The following COL22A1 variants were observed in gnomAD, a reference collection of about 807,000 sequenced individuals.
COL22A1 encodes collagen type XXII alpha 1 chain.
COL22A1 carries 221 observed loss-of-function variants against 248.9 expected under a neutral mutation model. The observed-to-expected ratio is 0.89, with a 90% CI of 0.80 to 0.99. COL22A1 has a LOEUF of 0.99. COL22A1 is among the 50% of genes least tolerant of loss of function. COL22A1 has a pLI of 0.00. For synonymous variants in COL22A1, 891 were observed against 793.4 expected (o/e 1.12, Z -2.07); for missense variants, 2,240 against 2,179.0 (o/e 1.03, Z -0.56).
chr8:138,854,838 GTGA>G (rs1402524532), intron 3 of COL22A1, among the ~76,000 whole-genome samples: 1 of 151,602 alleles, frequency 6.6e-6, no homozygotes, highest in Non-Finnish European at 1.5e-5. Context: ...GACGATGATG[GTGA>G]TGATGGTGAT....
intron 1 of COL22A1, among the ~76,000 whole-genome samples, chr8:138,895,588 C>A (rs1304059639): frequency 6.6e-6 from 1 of 151,976 alleles, no homozygotes; most frequent in East Asian, 1.9e-4. Flanking sequence ...CAAACTGAAA[C>A]AACAGACCAA....
chr8:138,801,445 T>A lies in COL22A1; in HGVS notation c.1557+1427A>T, dbSNP rs184208274. Among the ~76,000 whole-genome samples, 25 of 152,324 alleles carry A rather than the reference T, an allele frequency of 1.6e-4. 1 individual carries two copies. Among genetic ancestry groups the A allele is most frequent in the Admixed American group, 9.8e-4 (15 of 15,304 alleles). Reference sequence around the variant, plus strand: ...AGGGAATTGCATTTGCCATGCTAATTCTTCTAGGGAAGAGGCTTGTTTCCT... The same window carrying A: ...AGGGAATTGCATTTGCCATGCTAATACTTCTAGGGAAGAGGCTTGTTTCCT... On this transcript the variant is annotated intron_variant, in intron 11 of 64. Coordinates refer to ENST00000303045, the MANE Select transcript of COL22A1 (RefSeq NM_152888.3).
intron 41 of COL22A1, among the ~76,000 whole-genome samples, chr8:138,675,526 A>G (rs1176484796): frequency 1.3e-5 from 2 of 152,202 alleles, no homozygotes; most frequent in Non-Finnish European, 2.9e-5. Context: ...TAATAGTAAC[A>G]ACAACAATAA....
At chr8:138,777,779 T>A (rs1426174396) in intron 15 of COL22A1, 1 of 157,898 alleles carries the variant, frequency 6.3e-6, no homozygotes, top group Admixed American at 6.0e-5. Context: ...TGATGCACAT[T>A]TGGGTTGGTT....
chr8:138,836,581 A>G (rs937700299), intron 4 of COL22A1, among the ~76,000 whole-genome samples: 1 of 152,130 alleles, frequency 6.6e-6, no homozygotes, highest in African/African-American at 2.4e-5. Context: ...CTCTAGATAA[A>G]CATGCGGCAT....
intron 22 of COL22A1, among the ~76,000 whole-genome samples, chr8:138,741,969 TGA>T (rs1831605687): frequency 6.6e-6 from 1 of 150,812 alleles, no homozygotes; most frequent in South Asian, 2.1e-4. Flanking sequence ...ATGGTGATGG[TGA>T]TGGTAGAGTT....
At chr8:138,718,766 C>A (rs1045927209) in intron 27 of COL22A1, among the ~76,000 whole-genome samples, 1 of 152,184 alleles carries the variant, frequency 6.6e-6, no homozygotes, top group African/African-American at 2.4e-5. Context: ...GTTTTGAACA[C>A]AGAGCCTTAG....
At chr8:138,863,237 C>A (rs1459348675) in intron 3 of COL22A1, among the ~76,000 whole-genome samples, 2 of 152,162 alleles carry the variant, frequency 1.3e-5, no homozygotes, top group Non-Finnish European at 2.9e-5. Context: ...GACCATGGAG[C>A]CTTGGACATG....
At position 138,878,099 on chromosome 8, in the gene COL22A1, C is replaced by T; in HGVS notation, c.309G>A (p.Ala103=). ...GLFGSQEEVK[A]AARRLAYHGG... Reference sequence around the variant, plus strand: ...CGTGGTAGGCGAGACGCCGGGCAGCCGCCTTGACCTCCTCCTGCGAGCCAA... The same window carrying T: ...CGTGGTAGGCGAGACGCCGGGCAGCTGCCTTGACCTCCTCCTGCGAGCCAA... Residue 103 remains alanine (A), a synonymous_variant, in exon 3 of 65, where the codon GCG becomes GCA. Coordinates refer to ENST00000303045, the MANE Select transcript of COL22A1 (RefSeq NM_152888.3). The T allele has an allele frequency of 6.2e-6, 10 of 1,600,964 alleles. No individual in the cohort carries two copies. The highest frequency in any genetic ancestry group is 8.5e-6 in the Non-Finnish European group (10 of 1,174,742).
chr8:138,658,365 G>A (rs1823482677), intron 44 of COL22A1, among the ~76,000 whole-genome samples: 1 of 152,172 alleles, frequency 6.6e-6, no homozygotes, highest in Non-Finnish European at 1.5e-5. Context: ...GGTAGTTAAT[G>A]CTAACAATAT....
intron 16 of COL22A1, among the ~76,000 whole-genome samples, chr8:138,766,713 G>T (rs10090903): frequency 0.88 from 133,629 of 151,808 alleles, 58,986 homozygotes; most frequent in East Asian, 1. Flanking sequence ...CACAGTCAGG[G>T]ACAGGGAGAG....
chr8:138,593,099 C>T (rs193235293), intron 63 of COL22A1, among the ~76,000 whole-genome samples: 8 of 152,224 alleles, frequency 5.3e-5, no homozygotes, highest in African/African-American at 1.9e-4. Context: ...CCATGATTCT[C>T]AGCAAACTAA....
intron 32 of COL22A1, 101 bp downstream of exon 32, chr8:138,700,011 G>A (rs1012986355): frequency 9.2e-6 from 10 of 1,091,352 alleles, no homozygotes; most frequent in Admixed American, 3.8e-5. Flanking sequence ...ACGCGATGGG[G>A]CTGAGTCCTC....
chr8:138,669,701 G>A (rs1824843716), intron 41 of COL22A1, among the ~76,000 whole-genome samples: 1 of 152,124 alleles, frequency 6.6e-6, no homozygotes, highest in African/African-American at 2.4e-5. Context: ...TGGACTGCCG[G>A]GAAGACCAGG....
intron 50 of COL22A1, among the ~76,000 whole-genome samples, chr8:138,630,231 C>G (rs1161741600): frequency 6.6e-6 from 1 of 152,146 alleles, no homozygotes; most frequent in Non-Finnish European, 1.5e-5. Context: ...GGATCCTGGA[C>G]TAGTGACTTC....
At chr8:138,803,030 C>T (rs1250835703) in intron 10 of COL22A1, 96 bp from the exon 11 acceptor site, 1 of 919,044 alleles carries the variant, frequency 1.1e-6, no homozygotes, top group Admixed American at 1.7e-5. Context: ...CTCCAATTCC[C>T]TAGAAGCAGC....
intron 1 of COL22A1, among the ~76,000 whole-genome samples, chr8:138,899,624 A>C (rs1814395357): frequency 6.6e-6 from 1 of 152,048 alleles, no homozygotes; most frequent in Non-Finnish European, 1.5e-5. Context: ...CTTGGGTTCA[A>C]GTGATTCTCC....
At chr8:138,889,992 A>G (rs1022071371) in intron 1 of COL22A1, among the ~76,000 whole-genome samples, 3 of 152,216 alleles carry the variant, frequency 2.0e-5, no homozygotes, top group African/African-American at 7.2e-5. Flanking sequence ...ACAAAAAGAA[A>G]TGCAAATCAA....
intron 9 of COL22A1, among the ~76,000 whole-genome samples, chr8:138,809,522 C>CTTTTTTTTTTTTTTTTTTTTTTTTTTTTT (rs1405048013): frequency 1.3e-5 from 1 of 77,964 alleles, no homozygotes; most frequent in Admixed American, 1.3e-4. Context: ...CTCTTTTTTT[C>CTTTTTTTTTTTTTTTTTTTTTTTTTTTTT]TTTTTCTTTT....
Sources: gnomAD v4.1 joint callset for allele counts (sites outside exome capture counted in the v4.1 genomes callset) on GRCh38, gnomAD v4.1.1 for gene constraint, MANE v1.5 for transcripts, NCBI Gene and HGNC (gene_info 2026-07-23, HGNC 2026-07-21) for gene names.